Variants in INPPL1 observed in about 807,000 individuals in gnomAD.
INPPL1 encodes phosphatidylinositol 3,4,5-trisphosphate 5-phosphatase 2.
INPPL1 carries 91 observed loss-of-function variants against 139.3 expected under a neutral mutation model. The ratio of observed to expected loss-of-function variants is 0.65; its 90% CI spans 0.55 to 0.78. The LOEUF is 0.78. Among genes scored for constraint, INPPL1 ranks in the 30% least tolerant of loss-of-function variants. The pLI is 0.00. For missense variants in INPPL1, 1,411 were observed against 1,665.6 expected, an observed-to-expected ratio of 0.85 and a Z score of 2.66; for synonymous variants, 719 against 686.6, an observed-to-expected ratio of 1.05 and a Z score of -0.74.
intron 9 of INPPL1, 39 bp from the exon 10 acceptor site, chr11:72,230,323 A>T: frequency 6.2e-7 from 1 of 1,613,280 alleles, no homozygotes; most frequent in Non-Finnish European, 8.5e-7. Context: ...CCCCTGGCCT[A>T]GGGGCACAGG....
intron 8 of INPPL1, 22 bp downstream of exon 8, chr11:72,230,041 C>T: frequency 6.2e-7 from 1 of 1,614,106 alleles, no homozygotes; most frequent in South Asian, 1.1e-5. Flanking sequence ...TGGGGCCTCA[C>T]AGGGCCAAGG....
intron 12 of INPPL1, 60 bp from the exon 13 acceptor site, chr11:72,231,438 A>T (rs779246651): frequency 6.1e-5 from 79 of 1,296,874 alleles, no homozygotes; most frequent in Non-Finnish European, 8.2e-5. Context: ...TTTATAGTGC[A>T]GGGGGAAATG....
chr11:72,237,473 G>A lies in INPPL1; in HGVS notation c.3229G>A (p.Val1077Ile), dbSNP rs765123967. 3.1e-6 allele frequency: 5 copies of A among 1,610,242 alleles called. No individual in the cohort carries two copies. The highest frequency in any genetic ancestry group is 4.2e-6 in the Non-Finnish European group (5 of 1,177,724). The change falls in exon 26 of 28, where the codon GTC becomes ATC. Residue 1077 changes from valine (V) to isoleucine (I), a missense_variant. Physicochemically the swap from Val to Ile is conservative, Grantham distance 29. Transcript: ENST00000298229. Reference sequence around the variant, plus strand: ...CCTGGATCCTTTACCAGGGCCAGTGGTCCGGGGCCGTGGTGGGGCTGAGGC... The same window carrying A: ...CCTGGATCCTTTACCAGGGCCAGTGATCCGGGGCCGTGGTGGGGCTGAGGC... ...PSLDPLPGPV[V>I]RGRGGAEARG...
Position 72,238,640 on chromosome 11 carries a change from C to T in INPPL1, c.*287C>T, listed in dbSNP as rs1367685932. The T allele has an allele frequency of 1.3e-4, 35 of 263,762 alleles. No individual in the cohort carries two copies. Among genetic ancestry groups the T allele is most frequent in the Non-Finnish European group, 3.6e-5 (5 of 140,244 alleles). The allele number at this position is 263,762 out of a possible 1,614,324, so 16.3% of individuals were successfully genotyped here. A position where few individuals can be genotyped will look rare whatever the true frequency, so the allele number is the denominator to read the frequency against. On this transcript the variant is annotated 3_prime_UTR_variant, in exon 28 of 28. Transcript: ENST00000298229. ...TGTCCTGTTTTACTGGACCCCGCCT[C>T]CCAGCCCCAGGGGTGCCTGTGGGGG...
In INPPL1 at chr11:72,230,407, T is replaced by C. The variant is rs1217684287; in HGVS notation, c.1136T>C (p.Val379Ala). 5 of 1,614,042 alleles carry C rather than the reference T, an allele frequency of 3.1e-6. No homozygotes were observed. The highest frequency in any genetic ancestry group is 4.2e-6 in the Non-Finnish European group (5 of 1,180,016). The part of the protein sequence containing the change: ...KSQRVQNKLG[V>A]VFEKEKDRTQ... ...CAGCGTGTCCAGAACAAGCTGGGTG[T>C]TGTGTTTGAGAAGGAGAAGGACCGG... The change falls in exon 10 of 28, where the codon GTT becomes GCT. Residue 379 changes from valine to alanine, a missense_variant. By Grantham distance (64) the Val-to-Ala change is moderately conservative. Around this residue, in one of 5 missense-constraint regions of INPPL1, gnomAD observed 504 missense variants for 595.6 expected, o/e 0.85. Coordinates refer to ENST00000298229, the MANE Select transcript of INPPL1 (RefSeq NM_001567.4).
intron 1 of INPPL1, among the ~76,000 whole-genome samples, chr11:72,225,798 C>G (rs989458644): frequency 3.9e-5 from 6 of 152,198 alleles, no homozygotes; most frequent in African/African-American, 1.4e-4. Context: ...CCTGGCTGCC[C>G]TAGCCCTGAG....
intron 1 of INPPL1, among the ~76,000 whole-genome samples, chr11:72,227,327 A>G (rs1948702205): frequency 6.6e-6 from 1 of 152,182 alleles, no homozygotes; most frequent in African/African-American, 2.4e-5. Flanking sequence ...ATTAAGTAAG[A>G]TTTATAGGAC....
chr11:72,236,320 G>A (rs963081450), intron 25 of INPPL1, among the ~76,000 whole-genome samples: 8 of 152,232 alleles, frequency 5.3e-5, no homozygotes, highest in African/African-American at 1.7e-4. Context: ...ATTTCCCAGG[G>A]TACCTTCTTT....
At chr11:72,232,581 G>T in intron 14 of INPPL1, 45 bp from the exon 15 acceptor site, 1 of 1,604,754 alleles carries the variant, frequency 6.2e-7, no homozygotes. Flanking sequence ...TTCTGGCCCT[G>T]ACCCTGGGGA....
At chr11:72,233,632 C>T (rs1461399673) in intron 18 of INPPL1, 23 bp from the exon 19 acceptor site, 4 of 1,610,534 alleles carry the variant, frequency 2.5e-6, no homozygotes, top group Non-Finnish European at 3.4e-6. Flanking sequence ...CCCTGAGTCC[C>T]CATTCCTATC....
At chr11:72,233,830 G>T (rs192126205) in intron 19 of INPPL1, 86 bp downstream of exon 19, 4 of 1,048,572 alleles carry the variant, frequency 3.8e-6, no homozygotes, top group Non-Finnish European at 1.5e-6. Flanking sequence ...GTTTGACTAT[G>T]TAAGTGTGTG....
At position 72,237,282 on chromosome 11, in the gene INPPL1, C is replaced by T; in HGVS notation, c.3038C>T (p.Thr1013Ile). The T allele has an allele frequency of 1.2e-6, 2 of 1,614,052 alleles. No homozygotes were observed. Among genetic ancestry groups the T allele is most frequent in the South Asian group, 2.2e-5 (2 of 91,082 alleles). ...SPARAPVPSA[T>I]KNKVAITVPA... The stretch of plus-strand genomic sequence containing the variant: ...GCCAGGGCCCCTGTCCCATCTGCCA[C>T]CAAGAACAAAGTGGCCATTACAGTG... Residue 1013 changes from threonine to isoleucine, a missense_variant, in exon 26 of 28, where the codon ACC (threonine) becomes ATC (isoleucine). This residue lies in a region of INPPL1 where 438 missense variants were observed against 425.7 expected (regional missense o/e 1.03). Coordinates refer to ENST00000298229, the MANE Select transcript of INPPL1 (RefSeq NM_001567.4).
chr11:72,237,919 T>C, intron 26 of INPPL1, 123 bp downstream of exon 26: 2 of 1,441,012 alleles, frequency 1.4e-6, no homozygotes, highest in Non-Finnish European at 1.8e-6. Flanking sequence ...CACTGGGAAG[T>C]TGGGAGACAC....
At position 72,238,405 on chromosome 11, in the gene INPPL1, G is replaced by T; in HGVS notation, c.*52G>T. 6.9e-7 allele frequency: 1 copy of T among 1,450,296 alleles called. No homozygotes were observed. The highest frequency in any genetic ancestry group is 9.2e-7 in the Non-Finnish European group (1 of 1,082,854). The allele number at this position is 1,450,296 out of a possible 1,614,324, so 89.8% of individuals were successfully genotyped here. On this transcript the variant is annotated 3_prime_UTR_variant, in exon 28 of 28. Transcript: ENST00000298229. The stretch of plus-strand genomic sequence containing the variant: ...CTCAGAGCCCCTCCCTGCTACCAAG[G>T]CCCAGCTATGGCCCCAGGGTTGAAA...
rs938868373 is a variant in INPPL1 at position 72,231,081 on chromosome 11, C to T, written c.1389C>T (p.Pro463=). The change falls in exon 12 of 28, where the codon CCC becomes CCT. Residue 463 remains proline, a synonymous_variant. Coordinates refer to ENST00000298229, the MANE Select transcript of INPPL1 (RefSeq NM_001567.4). ...TGGACGAGGTCACAGTGACCATACCCCATGACATCTATGTCTTTGGGACCC... is the reference window on the plus strand; with the variant it reads ...TGGACGAGGTCACAGTGACCATACCTCATGACATCTATGTCTTTGGGACCC... The part of the protein sequence containing the change: ...KTLDEVTVTI[P]HDIYVFGTQE... 5 of 1,614,008 alleles carry T rather than the reference C, an allele frequency of 3.1e-6. No homozygotes were observed. Among genetic ancestry groups the T allele is most frequent in the Non-Finnish European group, 4.2e-6 (5 of 1,180,030 alleles).
In INPPL1 at chr11:72,235,274, G is replaced by A. The variant is rs1318458330; in HGVS notation, c.2504-22G>A. 6.2e-7 allele frequency: 1 copy of A among 1,613,968 alleles called. No individual in the cohort carries two copies. The highest frequency in any genetic ancestry group is 1.7e-5 in the Admixed American group (1 of 60,000). On this transcript the variant is annotated intron_variant, in intron 22 of 27. Coordinates refer to ENST00000298229, the MANE Select transcript of INPPL1 (RefSeq NM_001567.4). The surrounding 1 kb of genome is among the most constrained non-coding windows in gnomAD (Gnocchi z 4.9). ...CCTAGATTAGCTTGGTAATTTGCTGGTTTGTCCCATCTGCTCCTCAGGGGA... is the reference window on the plus strand; with the variant it reads ...CCTAGATTAGCTTGGTAATTTGCTGATTTGTCCCATCTGCTCCTCAGGGGA...
In INPPL1 at chr11:72,228,293, C is replaced by G. The variant is rs1591271071; in HGVS notation, c.246+40C>G. ...CCCTGACCCCTGACCTTGATCCAGC[C>G]TAGGGCTTGGGGACCTGCTGGCTGA... On this transcript the variant is annotated intron_variant, in intron 2 of 27. Coordinates refer to ENST00000298229, the MANE Select transcript of INPPL1 (RefSeq NM_001567.4). The surrounding 1 kb of genome is among the most constrained non-coding windows in gnomAD (Gnocchi z 5.0). The G allele has an allele frequency of 6.2e-7, 1 of 1,614,064 alleles. No homozygotes were observed. The highest frequency in any genetic ancestry group is 8.5e-7 in the Non-Finnish European group (1 of 1,179,960).
At chr11:72,232,799 C>T (rs1325669830) in intron 15 of INPPL1, 35 bp downstream of exon 15, 2 of 1,613,784 alleles carry the variant, frequency 1.2e-6, no homozygotes, top group African/African-American at 2.7e-5. Flanking sequence ...TGTAGGGAGG[C>T]TAAGGGCCAC....
rs1339325596 is a variant in INPPL1 at position 72,228,349 on chromosome 11, C to G, written c.248C>G (p.Thr83Ser). 6.2e-7 allele frequency: 1 copy of G among 1,613,768 alleles called. No homozygotes were observed. The highest frequency in any genetic ancestry group is 1.1e-5 in the South Asian group (1 of 91,088). The stretch of plus-strand genomic sequence containing the variant: ...CCTCCCACCCTTGCTGGCCCACAGA[C>G]CTCGCAGGGTGTGCCTGTGCGCCGC... ...PDGEDFLAVQTSQGVPVRRFQ... is the reference protein window; with the variant it reads ...PDGEDFLAVQSSQGVPVRRFQ... The change falls in exon 3 of 28, where the codon ACC (threonine) becomes AGC (serine). Residue 83 changes from threonine to serine, a missense_variant and splice_region_variant. Thr to Ser is a moderately conservative substitution (Grantham distance 58, BLOSUM62 1). Coordinates refer to ENST00000298229, the MANE Select transcript of INPPL1 (RefSeq NM_001567.4). The surrounding 1 kb of genome is among the most constrained non-coding windows in gnomAD (Gnocchi z 5.0).
Sources: allele counts gnomAD v4.1 joint callset (sites outside exome capture counted in the v4.1 genomes callset), GRCh38; gene constraint gnomAD v4.1.1; regional missense constraint gnomAD v4.1.1; non-coding constraint Gnocchi (gnomAD v3.1); transcripts MANE v1.5; gene names NCBI Gene and HGNC (gene_info 2026-07-23, HGNC 2026-07-21).